Variants in CSPG4 observed in about 807,000 individuals in gnomAD.
The protein encoded by CSPG4 is chondroitin sulfate proteoglycan 4 (melanoma-associated).
A neutral mutation model predicts 139.3 loss-of-function variants in CSPG4; 74 were observed. The observed-to-expected ratio is 0.53, with a 90% CI of 0.44 to 0.64. The LOEUF (loss-of-function observed/expected upper bound fraction) is 0.64. CSPG4 is among the 30% of genes least tolerant of loss of function. The probability of loss-of-function intolerance (pLI) is 0.00; values close to 1 mark genes in which losing one functional copy is unlikely to be tolerated. For synonymous variants in CSPG4, 1,234 were observed against 1,394.2 expected, an observed-to-expected ratio of 0.89 and a Z score of 2.56; for missense variants, 2,565 against 3,148.3, an observed-to-expected ratio of 0.81 and a Z score of 4.43.
At chr15:75,691,174 C>CA (rs891868428) in intron 2 of CSPG4, among the ~76,000 whole-genome samples, 2 of 151,946 alleles carry the variant, frequency 1.3e-5, no homozygotes, top group Non-Finnish European at 2.9e-5. Context: ...AACTCTGTCT[C>CA]AAAAAACAAA....
At chr15:75,681,403 CA>C (rs1366690715) in intron 8 of CSPG4, among the ~76,000 whole-genome samples, 4 of 152,196 alleles carry the variant, frequency 2.6e-5, no homozygotes, top group African/African-American at 9.7e-5. Flanking sequence ...TGAAGGCTGG[CA>C]GGGGGACCCC....
At chr15:75,700,757 C>T (rs982683236) in intron 1 of CSPG4, among the ~76,000 whole-genome samples, 7 of 152,068 alleles carry the variant, frequency 4.6e-5, no homozygotes, top group African/African-American at 9.7e-5. Flanking sequence ...CCCAGCCTGG[C>T]GGGCTGGGTC....
At chr15:75,701,701 T>G (rs1894303033) in intron 1 of CSPG4, among the ~76,000 whole-genome samples, 2 of 152,026 alleles carry the variant, frequency 1.3e-5, no homozygotes, top group African/African-American at 4.8e-5. Flanking sequence ...GCACCAACTC[T>G]CCAGGGCTCC....
Position 75,676,768 on chromosome 15 carries a change from G to A in CSPG4, c.5751C>T (p.Phe1917=). ...VANGSSVAGI[F]QLSMSDGASP... ...TGGCCCCATCAGACATGCTCAGCTG[G>A]AAGATGCCTGCCACGCTGCTCCCGT... The change falls in exon 10 of 10, where the codon TTC becomes TTT. Residue 1917 remains phenylalanine (F), a synonymous_variant. Transcript: ENST00000308508. The A allele has an allele frequency of 6.5e-7, 1 of 1,550,138 alleles. No individual in the cohort carries two copies. Among genetic ancestry groups the A allele is most frequent in the Non-Finnish European group, 8.7e-7 (1 of 1,145,646 alleles).
At chr15:75,681,694 T>C (rs1413478720) in intron 8 of CSPG4, among the ~76,000 whole-genome samples, 4 of 152,334 alleles carry the variant, frequency 2.6e-5, no homozygotes, top group African/African-American at 7.2e-5. Flanking sequence ...GGCACAGTTA[T>C]CACAGAGAGT....
rs1175926441 is a variant in CSPG4, at chr15:75,676,184, T to C, written c.6335A>G (p.Gln2112Arg). Residue 2112 changes from glutamine (Q) to arginine (R), a missense_variant, in exon 10 of 10, where the codon CAG becomes CGG. Physicochemically the swap from Gln to Arg is conservative, Grantham distance 43. Transcript: ENST00000308508. ...GTCCTCAAGGTCCTGCTGAGTGAAC[T>C]GCTCCACCAGCTGGCTGCCCCCGGG... The part of the protein sequence containing the change: ...TEPGGSQLVE[Q>R]FTQQDLEDGR... The C allele has an allele frequency of 1.9e-6, 3 of 1,551,354 alleles. No homozygotes were observed. Among genetic ancestry groups the C allele is most frequent in the Non-Finnish European group, 2.6e-6 (3 of 1,155,376 alleles).
Position 75,693,246 on chromosome 15 carries a change from G to T in CSPG4, c.89-13C>A. 6 of 1,563,626 alleles carry T rather than the reference G, an allele frequency of 3.8e-6. No individual in the cohort carries two copies. In the South Asian group the frequency reaches 6.1e-5, roughly 16 times the overall value. ...CCGAAGAAGGAAGCTGTGTGAGAGA[G>T]GGAGCTGTGGTCAAGGCTCAGACTC... On this transcript the variant is annotated splice_polypyrimidine_tract_variant and intron_variant, in intron 1 of 9. Coordinates refer to ENST00000308508, the MANE Select transcript of CSPG4 (RefSeq NM_001897.5).
rs536288882 is a variant in CSPG4 at position 75,690,506 on chromosome 15, C to T, written c.559G>A (p.Asp187Asn). Residue 187 changes from aspartate to asparagine, a missense_variant, in exon 3 of 10, where the codon GAT becomes AAT. Physicochemically the swap from Asp to Asn is conservative, Grantham distance 23 (BLOSUM62 1). This residue lies in a region of CSPG4 where 132 missense variants were observed against 132.3 expected (regional missense o/e 1.00). Transcript: ENST00000308508. The part of the protein sequence containing the change: ...GRSLLRPLTP[D>N]VHEGCAEEFS... ...TCTTCAGCACAGCCCTCATGCACATCGGGGGTCAGAGGCCGGAGGAGGCTG... is the reference window on the plus strand; with the variant it reads ...TCTTCAGCACAGCCCTCATGCACATTGGGGGTCAGAGGCCGGAGGAGGCTG... 1.5e-4 allele frequency: 234 copies of T among 1,609,638 alleles called. 1 individual carries two copies. In the East Asian group the frequency reaches 5.0e-3, roughly 34 times the overall value.
At position 75,687,441 on chromosome 15, in the gene CSPG4, G is replaced by A. The variant is rs8030131; in HGVS notation, c.3624C>T (p.Arg1208=). ...CTTCCACGGAGAAGGCCATGGTGTC[G>A]CGGGGGCTGAGGCTGCCATTGTGGC... The part of the protein sequence containing the change: ...LYSHNGSLSP[R]DTMAFSVEAG... Residue 1208 remains arginine (R), a synonymous_variant, in exon 3 of 10, where the codon CGC becomes CGT. Coordinates refer to ENST00000308508, the MANE Select transcript of CSPG4 (RefSeq NM_001897.5). This position sits in a 1 kb window ranked among gnomAD's most constrained non-coding sequence, Gnocchi z 5.4. 9.7e-5 allele frequency: 156 copies of A among 1,612,408 alleles called. 1 individual carries two copies. The highest frequency in any genetic ancestry group is 4.0e-4 in the Admixed American group (24 of 59,990).
Position 75,690,225 on chromosome 15 carries a change from G to C in CSPG4, c.840C>G (p.Ala280=). 6.2e-7 allele frequency: 1 copy of C among 1,613,352 alleles called. No individual in the cohort carries two copies. Residue 280 remains alanine, a synonymous_variant, in exon 3 of 10, where the codon GCC becomes GCG. Coordinates refer to ENST00000308508, the MANE Select transcript of CSPG4 (RefSeq NM_001897.5). The stretch of plus-strand genomic sequence containing the variant: ...CACTGACCTCATGGGGCTGCCCATC[G>C]GCCACAGGCACACTGTTGTGGAGCA... ...TVLLHNSVPV[A]DGQPHEVSVH... is the part of the protein sequence containing the mutation.
chr15:75,695,747 T>A (rs1894218711), intron 1 of CSPG4, among the ~76,000 whole-genome samples: 2 of 151,882 alleles, frequency 1.3e-5, no homozygotes, highest in South Asian at 4.2e-4. Flanking sequence ...TCCAGAGGAC[T>A]TCCTGGAGGA....
At position 75,696,798 on chromosome 15, in the gene CSPG4, G is replaced by A. The variant is rs1346198624; in HGVS notation, c.89-3565C>T. On this transcript the variant is annotated intron_variant, in intron 1 of 9. Coordinates refer to ENST00000308508, the MANE Select transcript of CSPG4 (RefSeq NM_001897.5). This position sits in a 1 kb window ranked among gnomAD's most constrained non-coding sequence, Gnocchi z 4.2. ...CCTTCTTCCTGAGATCTAGGCCTGG[G>A]GGCACAGAAAAAGCCTGTTTCCTTC... Among the ~76,000 whole-genome samples, 4 of 152,174 alleles carry A rather than the reference G, an allele frequency of 2.6e-5. No individual in the cohort carries two copies. In the East Asian group the frequency reaches 5.8e-4, roughly 22 times the overall value.
At chr15:75,692,624 G>A (rs1414691407) in intron 2 of CSPG4, among the ~76,000 whole-genome samples, 2 of 152,252 alleles carry the variant, frequency 1.3e-5, no homozygotes, top group African/African-American at 4.8e-5. Context: ...CAGTGCCACC[G>A]GGATGCACAG....
At chr15:75,703,546 C>G (rs1374428898) in intron 1 of CSPG4, among the ~76,000 whole-genome samples, 1 of 152,144 alleles carries the variant, frequency 6.6e-6, no homozygotes, top group Non-Finnish European at 1.5e-5. Context: ...GCAGTCTCCA[C>G]GGGGAAGGCC....
Position 75,690,552 on chromosome 15 carries a change from A to G in CSPG4, c.513T>C (p.His171=). 6.2e-7 allele frequency: 1 copy of G among 1,609,380 alleles called. No individual in the cohort carries two copies. Among genetic ancestry groups the G allele is most frequent in the Non-Finnish European group, 8.5e-7 (1 of 1,178,902 alleles). ...GTSRPLRGCL[H]AATLNGRSLL... ...GGCTGCGGCCATTGAGGGTGGCTGCATGGAGGCAACCCCTCAGGGGTCGGC... is the reference window on the plus strand; with the variant it reads ...GGCTGCGGCCATTGAGGGTGGCTGCGTGGAGGCAACCCCTCAGGGGTCGGC... Residue 171 remains histidine (H), a synonymous_variant, in exon 3 of 10, where the codon CAT becomes CAC. Transcript: ENST00000308508.
rs1252343141 is a variant in CSPG4 at position 75,682,858 on chromosome 15, G to A, written c.4633C>T (p.Leu1545=). 2 of 1,609,634 alleles carry A rather than the reference G, an allele frequency of 1.2e-6. No individual in the cohort carries two copies. The highest frequency in any genetic ancestry group is 1.7e-6 in the Non-Finnish European group (2 of 1,179,104). Residue 1545 remains leucine (L), a synonymous_variant, in exon 6 of 10, where the codon CTG becomes TTG. Coordinates refer to ENST00000308508, the MANE Select transcript of CSPG4 (RefSeq NM_001897.5). ...TQAQLDGGLV[L]FSHRGTLDGG... is the part of the protein sequence containing the mutation. Reference sequence around the variant, plus strand: ...CAGCACCCACCTCTGTGTGAGAACAGCACGAGCCCGCCGTCCAGCTGGGCC... The same window carrying A: ...CAGCACCCACCTCTGTGTGAGAACAACACGAGCCCGCCGTCCAGCTGGGCC...
In CSPG4 at chr15:75,687,806, T is replaced by C; in HGVS notation, c.3259A>G (p.Arg1087Gly). 2 of 1,612,908 alleles carry C rather than the reference T, an allele frequency of 1.2e-6. No individual in the cohort carries two copies. The highest frequency in any genetic ancestry group is 1.7e-6 in the Non-Finnish European group (2 of 1,180,000). The stretch of plus-strand genomic sequence containing the variant: ...TGCACGAACAGTACTCGCCTCTTCC[T>C]GAGGTCCTCCTGGGTGAAGCGGTAG... ...PIYRFTQEDL[R>G]KRRVLFVHSG... The change falls in exon 3 of 10, where the codon AGG becomes GGG. Residue 1087 changes from arginine (R) to glycine (G), a missense_variant. Arg to Gly is a moderately radical substitution (Grantham distance 125, BLOSUM62 -2). Coordinates refer to ENST00000308508, the MANE Select transcript of CSPG4 (RefSeq NM_001897.5). The surrounding 1 kb of genome is among the most constrained non-coding windows in gnomAD (Gnocchi z 5.4).
intron 1 of CSPG4, among the ~76,000 whole-genome samples, chr15:75,706,982 C>G (rs1894382221): frequency 6.8e-6 from 1 of 147,986 alleles, no homozygotes; most frequent in African/African-American, 2.5e-5. Flanking sequence ...TAGATGAACC[C>G]TCACTGACTC....
intron 8 of CSPG4, chr15:75,679,042 A>C: frequency 9.1e-6 from 3 of 330,264 alleles, no homozygotes; most frequent in Non-Finnish European, 1.8e-5. Context: ...TTCTGTCTAC[A>C]GGCACTCTCC....
Sources: gnomAD v4.1 joint callset for allele counts (sites outside exome capture counted in the v4.1 genomes callset) on GRCh38, gnomAD v4.1.1 for gene constraint, gnomAD v4.1.1 regional missense constraint, Gnocchi (gnomAD v3.1) non-coding constraint, MANE v1.5 for transcripts, NCBI Gene and HGNC (gene_info 2026-07-23, HGNC 2026-07-21) for gene names.